Variants in ZC3H12B observed in about 807,000 individuals in gnomAD.
ZC3H12B encodes the protein probable ribonuclease ZC3H12B.
In ZC3H12B, 7 loss-of-function variants were observed where a neutral mutation model predicts 43.9. That is an observed-to-expected ratio of 0.16 (90% CI 0.09 to 0.30). The LOEUF (loss-of-function observed/expected upper bound fraction) is 0.30, where lower values mean the gene tolerates loss of function less well. Ranked by LOEUF, ZC3H12B falls within the 10% of genes least tolerant of loss-of-function variation. The probability of loss-of-function intolerance (pLI) is 1.00; values close to 1 mark genes in which losing one functional copy is unlikely to be tolerated. For missense variants in ZC3H12B, 475 were observed against 670.2 expected (o/e 0.71, Z 3.22); for synonymous variants, 222 against 241.7 (o/e 0.92, Z 0.76).
chrX:65,153,780 T>C, the ZC3H12B span, among the ~76,000 whole-genome samples: 59 of 111,032 alleles, frequency 5.3e-4, 2 homozygotes, highest in South Asian at 1.9e-3. Context: ...CACATGCACA[T>C]GTATGTTTAT....
chrX:65,038,789 C>G, the ZC3H12B span, among the ~76,000 whole-genome samples: 1 of 111,015 alleles, frequency 9.0e-6, no homozygotes, highest in South Asian at 3.8e-4. Flanking sequence ...GGAGGTAGGA[C>G]AGTATTACAT....
At chrX:65,061,497 C>T in the ZC3H12B span, among the ~76,000 whole-genome samples, 2 of 112,403 alleles carry the variant, frequency 1.8e-5, no homozygotes. Context: ...GACATGAACT[C>T]ATTCTTTTTT....
intron 3 of ZC3H12B, among the ~76,000 whole-genome samples, chrX:65,456,195 G>C (rs2067606586): frequency 9.0e-6 from 1 of 111,295 alleles, no homozygotes; most frequent in Admixed American, 9.6e-5. Flanking sequence ...ACTGGATAAA[G>C]AGTCAAGACG....
the ZC3H12B span, among the ~76,000 whole-genome samples, chrX:65,339,291 A>T: frequency 3.6e-5 from 4 of 111,445 alleles, no homozygotes; most frequent in South Asian, 1.5e-3. Context: ...AGCTGAGAAC[A>T]CTGCATGGGT....
At chrX:65,160,882 T>G in the ZC3H12B span, among the ~76,000 whole-genome samples, 2 of 111,683 alleles carry the variant, frequency 1.8e-5, no homozygotes, top group African/African-American at 6.5e-5. Flanking sequence ...GTTCCTGCTT[T>G]CTCTTGTGGG....
the ZC3H12B span, among the ~76,000 whole-genome samples, chrX:65,314,201 A>G: frequency 9.0e-6 from 1 of 111,244 alleles, no homozygotes; most frequent in East Asian, 2.8e-4. Flanking sequence ...GTTGGTATTA[A>G]TTGAGTTCCT....
chrX:65,456,347 CT>C (rs979435095), intron 3 of ZC3H12B, among the ~76,000 whole-genome samples: 4 of 107,698 alleles, frequency 3.7e-5, no homozygotes, highest in Non-Finnish European at 1.9e-5. Context: ...ATAAAACAGA[CT>C]TTAAACCAAC....
the ZC3H12B span, among the ~76,000 whole-genome samples, chrX:65,067,690 C>A: frequency 9.9e-5 from 11 of 111,581 alleles, no homozygotes; most frequent in African/African-American, 2.9e-4. Flanking sequence ...TTTCAAAAAA[C>A]CAACTTTTTG....
intron 3 of ZC3H12B, among the ~76,000 whole-genome samples, chrX:65,422,868 CT>C (rs1356766508): frequency 9.6e-6 from 1 of 104,247 alleles, no homozygotes. Flanking sequence ...TAAACTCATC[CT>C]TTTTTGTGGC....
At chrX:65,112,257 C>T in the ZC3H12B span, among the ~76,000 whole-genome samples, 15 of 111,398 alleles carry the variant, frequency 1.3e-4, no homozygotes, top group South Asian at 3.7e-4. Flanking sequence ...GAAGAAACTG[C>T]GGAATAAAAA....
In ZC3H12B at chrX:65,454,885, C is replaced by T. The variant is rs189155857; in HGVS notation, n.408-33761C>T. Among the ~76,000 whole-genome samples the T allele has an allele frequency of 5.7e-3, 635 of 111,848 alleles. 18 individuals carry two copies. The highest frequency in any genetic ancestry group is 0.051 in the Admixed American group (541 of 10,520). ...GCAAACAGGGTCTGGAGTGGATTTCCGGCAAACTGCAACACACCTGCAGCT... is the reference window on the plus strand; with the variant it reads ...GCAAACAGGGTCTGGAGTGGATTTCTGGCAAACTGCAACACACCTGCAGCT... On this transcript the variant is annotated intron_variant and non_coding_transcript_variant, in intron 3 of 5. Coordinates refer to the ZC3H12B transcript ENST00000617377.
chrX:65,462,774 C>A (rs2067768615), intron 3 of ZC3H12B, among the ~76,000 whole-genome samples: 1 of 111,535 alleles, frequency 9.0e-6, no homozygotes, highest in South Asian at 3.7e-4. Flanking sequence ...GGGTATATAT[C>A]CAAAAGAAAA....
chrX:65,313,903 C>T, the ZC3H12B span, among the ~76,000 whole-genome samples: 2 of 111,758 alleles, frequency 1.8e-5, no homozygotes, highest in Admixed American at 1.9e-4. Flanking sequence ...TATAACCATG[C>T]TCTGTGAGGC....
At chrX:65,215,607 C>T in the ZC3H12B span, among the ~76,000 whole-genome samples, 3 of 111,227 alleles carry the variant, frequency 2.7e-5, no homozygotes, top group South Asian at 1.1e-3. Context: ...CAATCCAGAC[C>T]ACTAAAACTT....
the ZC3H12B span, among the ~76,000 whole-genome samples, chrX:65,359,344 T>C: frequency 8.9e-6 from 1 of 111,952 alleles, no homozygotes; most frequent in African/African-American, 3.3e-5. Flanking sequence ...ATACATTTCA[T>C]AAGGCTATGG....
chrX:65,101,325 A>G, the ZC3H12B span, among the ~76,000 whole-genome samples: 1 of 111,862 alleles, frequency 8.9e-6, no homozygotes, highest in South Asian at 3.7e-4. Context: ...CTAACATCAC[A>G]TTAAAATAAC....
chrX:65,184,538 C>T, the ZC3H12B span, among the ~76,000 whole-genome samples: 7 of 111,553 alleles, frequency 6.3e-5, no homozygotes, highest in East Asian at 2.0e-3. Context: ...GTAAAAAGGG[C>T]AGTCAGAGAT....
chrX:65,154,298 C>G, the ZC3H12B span, among the ~76,000 whole-genome samples: 1 of 111,820 alleles, frequency 8.9e-6, no homozygotes, highest in Admixed American at 9.5e-5. Context: ...TCGTATACAT[C>G]TTTTGTTAAA....
intron 2 of ZC3H12B, among the ~76,000 whole-genome samples, chrX:65,384,087 T>C (rs755145084): frequency 8.1e-4 from 82 of 101,464 alleles, no homozygotes; most frequent in African/African-American, 2.6e-3. Flanking sequence ...TATTGCGGCA[T>C]GATTCACAAT....
Sources: allele counts gnomAD v4.1 joint callset (sites outside exome capture counted in the v4.1 genomes callset), GRCh38; gene constraint gnomAD v4.1.1; transcripts MANE v1.5; gene names NCBI Gene and HGNC (gene_info 2026-07-23, HGNC 2026-07-21).